GPR158: variants seen among roughly 807,000 people sequenced by gnomAD.
The protein encoded by GPR158 is G protein-coupled receptor 158.
GPR158 carries 30 observed loss-of-function variants against 78.2 expected under a neutral mutation model. The observed-to-expected ratio is 0.38, with a 90% CI of 0.29 to 0.52. The LOEUF is 0.52. Ranked by LOEUF, GPR158 falls within the 20% of genes least tolerant of loss-of-function variation. The pLI is 0.83. For missense variants in GPR158, 1,463 were observed against 1,523.5 expected (o/e 0.96, Z 0.66); for synonymous variants, 581 against 591.1 (o/e 0.98, Z 0.25).
At chr10:25,345,069 T>G (rs116942540) in intron 2 of GPR158, among the ~76,000 whole-genome samples, 2,489 of 152,080 alleles carry the variant, frequency 0.016, 32 homozygotes, top group Non-Finnish European at 0.025. Context: ...AATCTCAACA[T>G]ATGAATTTGA....
intron 2 of GPR158, among the ~76,000 whole-genome samples, chr10:25,335,683 AT>A (rs1378210568): frequency 6.6e-6 from 1 of 152,054 alleles, no homozygotes; most frequent in Non-Finnish European, 1.5e-5. Context: ...TTGTAAAACA[AT>A]TTTAGCATTT....
At chr10:25,204,717 T>C (rs952916077) in intron 1 of GPR158, among the ~76,000 whole-genome samples, 3 of 152,308 alleles carry the variant, frequency 2.0e-5, no homozygotes, top group Admixed American at 6.5e-5. Flanking sequence ...AAATTCTCTT[T>C]TTTTGTTGTG....
chr10:25,339,020 C>CT (rs55774828), intron 2 of GPR158, among the ~76,000 whole-genome samples: 4,149 of 137,228 alleles, frequency 0.03, 76 homozygotes, highest in Non-Finnish European at 0.044. Flanking sequence ...TTCTTTCTTT[C>CT]TTTTTTTTTT....
chr10:25,513,244 A>G (rs1836108549), intron 5 of GPR158, among the ~76,000 whole-genome samples: 1 of 151,222 alleles, frequency 6.6e-6, no homozygotes, highest in Non-Finnish European at 1.5e-5. Context: ...CAGAGTTTCT[A>G]TTTCTTCCTG....
At chr10:25,257,475 G>A (rs766739220) in intron 2 of GPR158, among the ~76,000 whole-genome samples, 27 of 152,176 alleles carry the variant, frequency 1.8e-4, no homozygotes, top group Middle Eastern at 3.4e-3. Flanking sequence ...AAAGCTGATC[G>A]GCTATTTAGA....
At chr10:25,339,508 T>G (rs1489794354) in intron 2 of GPR158, among the ~76,000 whole-genome samples, 2 of 152,110 alleles carry the variant, frequency 1.3e-5, no homozygotes, top group African/African-American at 4.8e-5. Flanking sequence ...TTTTTCTTTC[T>G]GATTGCATTG....
chr10:25,433,571 G>GTGTGTGTGCA (rs1564454635), intron 4 of GPR158, among the ~76,000 whole-genome samples: 1 of 53,156 alleles, frequency 1.9e-5, no homozygotes. Context: ...GTGTGTGTGT[G>GTGTGTGTGCA]CGCGCGCGCG....
At chr10:25,474,717 G>T (rs1835557710) in intron 5 of GPR158, among the ~76,000 whole-genome samples, 1 of 152,088 alleles carries the variant, frequency 6.6e-6, no homozygotes, top group South Asian at 2.1e-4. Context: ...CCCAGTGCCT[G>T]TCACCGTAGT....
intron 4 of GPR158, among the ~76,000 whole-genome samples, chr10:25,444,596 G>A (rs1352695606): frequency 6.6e-6 from 1 of 150,818 alleles, no homozygotes; most frequent in Non-Finnish European, 1.5e-5. Flanking sequence ...GAGTGTGCGG[G>A]TATGTGTGGG....
intron 2 of GPR158, among the ~76,000 whole-genome samples, chr10:25,313,638 T>C (rs1588793055): frequency 6.6e-6 from 1 of 152,220 alleles, no homozygotes; most frequent in Admixed American, 6.5e-5. Context: ...TATTTTATTA[T>C]ACTAATGGAC....
intron 5 of GPR158, among the ~76,000 whole-genome samples, chr10:25,498,473 T>G (rs1009450857): frequency 1.3e-5 from 2 of 152,142 alleles, no homozygotes; most frequent in South Asian, 4.1e-4. Context: ...GGATACTTAC[T>G]GTGATTGGTC....
intron 2 of GPR158, among the ~76,000 whole-genome samples, chr10:25,322,758 T>G (rs1424908745): frequency 6.6e-6 from 1 of 152,214 alleles, no homozygotes; most frequent in Non-Finnish European, 1.5e-5. Context: ...GAAAACAACA[T>G]TAATCTTCCT....
chr10:25,532,211 G>A (rs1038067820), intron 5 of GPR158, among the ~76,000 whole-genome samples: 1 of 152,138 alleles, frequency 6.6e-6, no homozygotes, highest in African/African-American at 2.4e-5. Context: ...AGAAAGAGGT[G>A]GGTTTCGTTG....
At chr10:25,557,285 G>C (rs139130782) in intron 6 of GPR158, among the ~76,000 whole-genome samples, 4 of 152,260 alleles carry the variant, frequency 2.6e-5, no homozygotes, top group Non-Finnish European at 4.4e-5. Flanking sequence ...CTTGAAACCT[G>C]AGGAATAAGT....
intron 8 of GPR158, among the ~76,000 whole-genome samples, chr10:25,594,007 C>T (rs545506695): frequency 1.3e-5 from 2 of 151,890 alleles, no homozygotes; most frequent in Non-Finnish European, 2.9e-5. Flanking sequence ...TTTACCACTT[C>T]GATTTTTAGA....
chr10:25,444,993 T>G (rs1316094195), intron 4 of GPR158, among the ~76,000 whole-genome samples: 1 of 152,156 alleles, frequency 6.6e-6, no homozygotes, highest in African/African-American at 2.4e-5. Context: ...TTAGTATTAA[T>G]TAGTTGGGGG....
At chr10:25,264,982 A>G (rs1393866785) in intron 2 of GPR158, among the ~76,000 whole-genome samples, 1 of 152,214 alleles carries the variant, frequency 6.6e-6, no homozygotes, top group Non-Finnish European at 1.5e-5. Flanking sequence ...GGCTATGTAT[A>G]TATCACCCTC....
At chr10:25,446,867 A>G (rs756067793) in intron 4 of GPR158, among the ~76,000 whole-genome samples, 1 of 152,222 alleles carries the variant, frequency 6.6e-6, no homozygotes, top group African/African-American at 2.4e-5. Context: ...ATCTGTAGTA[A>G]TATTTTAAAT....
At chr10:25,411,249 C>T (rs531823402) in intron 3 of GPR158, among the ~76,000 whole-genome samples, 21 of 152,082 alleles carry the variant, frequency 1.4e-4, no homozygotes, top group African/African-American at 4.1e-4. Flanking sequence ...AAAGGAGGAT[C>T]GATAGCAGTA....
Sources: allele counts gnomAD v4.1 joint callset (sites outside exome capture counted in the v4.1 genomes callset), GRCh38; gene constraint gnomAD v4.1.1; transcripts MANE v1.5; gene names NCBI Gene and HGNC (gene_info 2026-07-23, HGNC 2026-07-21).